The following ELAPOR1 variants were observed in gnomAD, a reference collection of about 807,000 sequenced individuals.
The protein encoded by ELAPOR1 is endosome/lysosome-associated apoptosis and autophagy regulator 1.
A neutral mutation model predicts 119.7 loss-of-function variants in ELAPOR1; 77 were observed. That is an observed-to-expected ratio of 0.64 (90% CI 0.54 to 0.78). The LOEUF (loss-of-function observed/expected upper bound fraction) is 0.78, where lower values mean the gene tolerates loss of function less well. Ranked by LOEUF, ELAPOR1 falls within the 30% of genes least tolerant of loss-of-function variation. The pLI is 0.00. For synonymous variants in ELAPOR1, 481 were observed against 487.2 expected, an observed-to-expected ratio of 0.99 and a Z score of 0.17; for missense variants, 1,115 against 1,270.4, an observed-to-expected ratio of 0.88 and a Z score of 1.86.
intron 8 of ELAPOR1, among the ~76,000 whole-genome samples, chr1:109,185,502 T>C (rs1652991541): frequency 6.6e-6 from 1 of 152,156 alleles, no homozygotes; most frequent in Non-Finnish European, 1.5e-5. Flanking sequence ...CACTGTTTTG[T>C]GGGCTGGCAC....
At chr1:109,170,018 G>T (rs1651831700) in intron 3 of ELAPOR1, among the ~76,000 whole-genome samples, 1 of 152,218 alleles carries the variant, frequency 6.6e-6, no homozygotes, top group Non-Finnish European at 1.5e-5. Context: ...AAAAAAGCTG[G>T]ATGTGTGAAT....
chr1:109,183,741 C>T (rs531360258), intron 7 of ELAPOR1, among the ~76,000 whole-genome samples: 1 of 152,104 alleles, frequency 6.6e-6, no homozygotes, highest in East Asian at 1.9e-4. Context: ...GCCTCAACAT[C>T]AAGTAGCTGG....
chr1:109,134,960 ATTT>A (rs1044477153), intron 1 of ELAPOR1, among the ~76,000 whole-genome samples: 4 of 152,152 alleles, frequency 2.6e-5, no homozygotes, highest in Non-Finnish European at 5.9e-5. Context: ...GGATCATGTA[ATTT>A]TTCAGCATAA....
chr1:109,119,350 A>C (rs1558012318), intron 1 of ELAPOR1, among the ~76,000 whole-genome samples: 1 of 150,398 alleles, frequency 6.6e-6, no homozygotes, highest in African/African-American at 2.5e-5. Context: ...ATGCCCTGAT[A>C]ATTTTTGTAG....
chr1:109,116,406 T>C (rs1648002035), intron 1 of ELAPOR1, among the ~76,000 whole-genome samples: 1 of 152,214 alleles, frequency 6.6e-6, no homozygotes, highest in African/African-American at 2.4e-5. Context: ...CCTCCTTCTC[T>C]GTTCAGCTTC....
intron 1 of ELAPOR1, among the ~76,000 whole-genome samples, chr1:109,118,489 A>G (rs1648168454): frequency 6.6e-6 from 1 of 152,206 alleles, no homozygotes; most frequent in South Asian, 2.1e-4. Context: ...AGATGAGAGC[A>G]GAGAGATGAG....
intron 15 of ELAPOR1, among the ~76,000 whole-genome samples, chr1:109,195,734 A>G (rs1653751439): frequency 6.6e-6 from 1 of 152,250 alleles, no homozygotes; most frequent in Non-Finnish European, 1.5e-5. Flanking sequence ...TGTCACCATC[A>G]GCCATTTCAT....
intron 1 of ELAPOR1, among the ~76,000 whole-genome samples, chr1:109,133,258 C>A (rs1649260473): frequency 6.6e-6 from 1 of 151,356 alleles, no homozygotes; most frequent in Non-Finnish European, 1.5e-5. Context: ...CTTAGAATGA[C>A]AAATGCAGAA....
intron 1 of ELAPOR1, among the ~76,000 whole-genome samples, chr1:109,157,756 C>T (rs1396477369): frequency 6.6e-6 from 1 of 152,220 alleles, no homozygotes; most frequent in African/African-American, 2.4e-5. Flanking sequence ...GACTCTCCTC[C>T]ACCTGAATTG....
At chr1:109,197,903 A>G in intron 16 of ELAPOR1, 76 bp from the exon 17 acceptor site, 1 of 1,272,740 alleles carries the variant, frequency 7.9e-7, no homozygotes, top group East Asian at 2.3e-5. Context: ...TTGGATGTTG[A>G]CAGGTATTGG....
rs1441588807 is a variant in ELAPOR1, at chr1:109,204,428, C to CTTA, written c.*1418_*1420dup. ...AAGCCCCAAACCCAGATGTTCCAGC[C>CTTA]TTATCCTCTGTTGGGTTTACCCACA... On this transcript the variant is annotated 3_prime_UTR_variant, in exon 22 of 22. Transcript: ENST00000369939. 2 of 152,256 alleles carry CTTA rather than the reference C, an allele frequency of 1.3e-5. No individual in the cohort carries two copies. The highest frequency in any genetic ancestry group is 1.5e-5 in the Non-Finnish European group (1 of 68,074). 9.4% of individuals were successfully genotyped at this position (152,256 alleles called of 1,614,324 possible).
At chr1:109,128,041 G>A (rs1267406123) in intron 1 of ELAPOR1, among the ~76,000 whole-genome samples, 1 of 151,116 alleles carries the variant, frequency 6.6e-6, no homozygotes, top group East Asian at 2.0e-4. Context: ...ACCCAGCTAA[G>A]TTTTATATTT....
At chr1:109,156,870 G>T (rs1650904208) in intron 1 of ELAPOR1, among the ~76,000 whole-genome samples, 1 of 152,174 alleles carries the variant, frequency 6.6e-6, no homozygotes, top group African/African-American at 2.4e-5. Context: ...GGCAGAGGAA[G>T]GTGGGCCACC....
rs140339739 is a variant in ELAPOR1, at chr1:109,122,162, C to T, written c.153+7826C>T. Among the ~76,000 whole-genome samples the T allele has an allele frequency of 5.3e-3, 798 of 150,632 alleles. 4 individuals are homozygous for T. The highest frequency in any genetic ancestry group is 0.021 in the Middle Eastern group (6 of 290). On this transcript the variant is annotated intron_variant, in intron 1 of 21. Transcript: ENST00000369939. Reference sequence around the variant, plus strand: ...TCAGCTCACTGCAGCCTGTGCCTGTCGGGTTCAAGCGATTCCCATGCCTCA... The same window carrying T: ...TCAGCTCACTGCAGCCTGTGCCTGTTGGGTTCAAGCGATTCCCATGCCTCA...
chr1:109,162,231 A>G (rs1651311682), intron 2 of ELAPOR1, among the ~76,000 whole-genome samples: 1 of 152,222 alleles, frequency 6.6e-6, no homozygotes, highest in Non-Finnish European at 1.5e-5. Flanking sequence ...TTCATTTTTT[A>G]AAGGAATTTA....
intron 7 of ELAPOR1, among the ~76,000 whole-genome samples, chr1:109,177,372 T>A (rs1210710019): frequency 2.3e-4 from 27 of 115,680 alleles, no homozygotes; most frequent in Non-Finnish European, 4.3e-4. Flanking sequence ...GGCTCCTCAC[T>A]TCTCAGACGG....
chr1:109,194,471 C>G lies in ELAPOR1; in HGVS notation c.1998C>G (p.Thr666=), dbSNP rs149034687. 1.5e-4 allele frequency: 248 copies of G among 1,613,652 alleles called. No individual in the cohort carries two copies. In the Middle Eastern group the frequency reaches 1.8e-3, roughly 12 times the overall value. The change falls in exon 15 of 22, where the codon ACC becomes ACG. Residue 666 remains threonine (T), a synonymous_variant. Transcript: ENST00000369939. ...GCACCTTCTCACGCAACACTCCGAC[C>G]AGGACTTTCAACTACAACTTCTCCG... The part of the protein sequence containing the change: ...NDCTFSRNTP[T]RTFNYNFSAL...
At chr1:109,147,649 T>A (rs760775726) in intron 1 of ELAPOR1, among the ~76,000 whole-genome samples, 2 of 152,030 alleles carry the variant, frequency 1.3e-5, no homozygotes, top group African/African-American at 2.4e-5. Context: ...TTATGAATTG[T>A]AACGAATGTA....
At chr1:109,200,297 A>C in intron 20 of ELAPOR1, 60 bp downstream of exon 20, 7 of 1,567,248 alleles carry the variant, frequency 4.5e-6, no homozygotes, top group Non-Finnish European at 6.1e-6. Flanking sequence ...ATCAGGGAGA[A>C]TATCTGAAAG....
Sources: gnomAD v4.1 joint callset for allele counts (sites outside exome capture counted in the v4.1 genomes callset) on GRCh38, gnomAD v4.1.1 for gene constraint, MANE v1.5 for transcripts, NCBI Gene and HGNC (gene_info 2026-07-23, HGNC 2026-07-21) for gene names.